PLAG1: variants seen among roughly 807,000 people sequenced by gnomAD.
PLAG1 encodes PLAG1 zinc finger.
A neutral mutation model predicts 35.5 loss-of-function variants in PLAG1; 7 were observed. The ratio of observed to expected loss-of-function variants is 0.20; its 90% CI spans 0.11 to 0.37. PLAG1 has a LOEUF of 0.37. Ranked by LOEUF, PLAG1 falls within the 10% of genes least tolerant of loss-of-function variation. The pLI, the probability that PLAG1 is intolerant of heterozygous loss-of-function variation, is 1.00. For missense variants in PLAG1, 454 were observed against 602.8 expected (o/e 0.75, Z 2.58); for synonymous variants, 229 against 225.4 (o/e 1.02, Z -0.14).
chr8:56,195,917 G>A (rs1812348590), intron 1 of PLAG1, among the ~76,000 whole-genome samples: 1 of 152,200 alleles, frequency 6.6e-6, no homozygotes, highest in Non-Finnish European at 1.5e-5. Flanking sequence ...AGTGCCTGCT[G>A]TGTGCAGGTG....
intron 1 of PLAG1, among the ~76,000 whole-genome samples, chr8:56,187,494 T>C (rs1335131988): frequency 6.6e-6 from 1 of 152,158 alleles, no homozygotes; most frequent in Non-Finnish European, 1.5e-5. Flanking sequence ...TTTTCCTCTG[T>C]AGGATGGGAA....
intron 1 of PLAG1, among the ~76,000 whole-genome samples, chr8:56,210,387 A>G (rs1812839365): frequency 1.3e-5 from 2 of 151,546 alleles, no homozygotes; most frequent in Non-Finnish European, 2.9e-5. Context: ...TCCTGCTTTC[A>G]TTTAGCACCC....
chr8:56,206,613 C>T (rs1308886308), intron 1 of PLAG1, among the ~76,000 whole-genome samples: 2 of 151,974 alleles, frequency 1.3e-5, no homozygotes, highest in Non-Finnish European at 2.9e-5. Flanking sequence ...TACAGCTAAT[C>T]AATCTGATTT....
intron 1 of PLAG1, among the ~76,000 whole-genome samples, chr8:56,193,704 T>TG (rs951868097): frequency 3.8e-4 from 58 of 150,794 alleles, no homozygotes; most frequent in African/African-American, 1.3e-3. Flanking sequence ...ACTTTTTTTT[T>TG]TTTTTTTTTT....
intron 1 of PLAG1, among the ~76,000 whole-genome samples, chr8:56,206,293 A>G (rs1327894499): frequency 6.6e-6 from 1 of 152,024 alleles, no homozygotes; most frequent in Non-Finnish European, 1.5e-5. Context: ...TGTCCCTGTA[A>G]TAATTTCTAC....
At position 56,169,012 on chromosome 8, in the gene PLAG1, C is replaced by A. The variant is rs188922515; in HGVS notation, c.-117-626G>T. The stretch of plus-strand genomic sequence containing the variant: ...TCCTGAGTCAAGAGTAGAAATGATT[C>A]ATCTTCCTAACAAATACAAATTCTT... On this transcript the variant is annotated intron_variant, in intron 3 of 4. Coordinates refer to ENST00000316981, the MANE Select transcript of PLAG1 (RefSeq NM_002655.3). Among the ~76,000 whole-genome samples the A allele has an allele frequency of 2.5e-3, 382 of 152,302 alleles. 3 individuals are homozygous for A. The highest frequency in any genetic ancestry group is 9.0e-3 in the African/African-American group (372 of 41,554).
intron 2 of PLAG1, among the ~76,000 whole-genome samples, chr8:56,176,046 C>CTTTTTTTTTT (rs1309523141): frequency 7.7e-6 from 1 of 130,104 alleles, no homozygotes; most frequent in African/African-American, 2.9e-5. Flanking sequence ...TTTTCCTTTT[C>CTTTTTTTTTT]TTTTTTTTTT....
chr8:56,174,490 A>C (rs889749798), intron 2 of PLAG1, among the ~76,000 whole-genome samples: 3 of 152,232 alleles, frequency 2.0e-5, no homozygotes, highest in Non-Finnish European at 4.4e-5. Flanking sequence ...AAACTATCTT[A>C]TAAAAACCTA....
intron 1 of PLAG1, among the ~76,000 whole-genome samples, chr8:56,201,887 G>A (rs1585826085): frequency 6.6e-6 from 1 of 151,628 alleles, no homozygotes; most frequent in East Asian, 1.9e-4. Context: ...TGTTGCTAAC[G>A]ATTCAGGGAA....
chr8:56,177,379 A>G (rs1044918623), intron 2 of PLAG1, among the ~76,000 whole-genome samples: 1 of 152,120 alleles, frequency 6.6e-6, no homozygotes, highest in Non-Finnish European at 1.5e-5. Flanking sequence ...AGGCAAAACC[A>G]TCATGTCAAG....
At chr8:56,200,075 CT>C (rs1369813199) in intron 1 of PLAG1, among the ~76,000 whole-genome samples, 1 of 152,152 alleles carries the variant, frequency 6.6e-6, no homozygotes, top group Non-Finnish European at 1.5e-5. Flanking sequence ...CTGCTCACCC[CT>C]GACACCCTGA....
chr8:56,163,080 A>G lies in PLAG1; in HGVS notation c.*3163T>C. On this transcript the variant is annotated 3_prime_UTR_variant, in exon 5 of 5. Coordinates refer to ENST00000316981, the MANE Select transcript of PLAG1 (RefSeq NM_002655.3). ...ATGGATAGCATTGCTTACAGTGCCA[A>G]GATCCTTCCACACTCACACTTCCGT... 4.7e-6 allele frequency: 1 copy of G among 212,200 alleles called. No homozygotes were observed. The highest frequency in any genetic ancestry group is 9.6e-6 in the Non-Finnish European group (1 of 104,164). 13.1% of individuals were successfully genotyped at this position (212,200 alleles called of 1,614,324 possible).
chr8:56,174,396 T>A (rs977070794), intron 2 of PLAG1, among the ~76,000 whole-genome samples: 8 of 152,212 alleles, frequency 5.3e-5, no homozygotes, highest in African/African-American at 1.7e-4. Context: ...ATAACTTCGG[T>A]GTTTCTGCAT....
chr8:56,196,526 T>G (rs1812371124), intron 1 of PLAG1, among the ~76,000 whole-genome samples: 1 of 152,052 alleles, frequency 6.6e-6, no homozygotes, highest in South Asian at 2.1e-4. Flanking sequence ...AAGCGCTGAC[T>G]GCCATTCAGA....
At position 56,194,375 on chromosome 8, in the gene PLAG1, T is replaced by C. The variant is rs117056190; in HGVS notation, c.-321-14862A>G. Among the ~76,000 whole-genome samples the C allele has an allele frequency of 5.4e-4, 82 of 151,696 alleles. 1 individual carries two copies. In the East Asian group the frequency reaches 0.013, roughly 23 times the overall value. ...TTGCAGTTAGGCTATCAAGTAACTA[T>C]TCAGCATATGATGACTAGTTATTTT... On this transcript the variant is annotated intron_variant, in intron 1 of 4. Coordinates refer to ENST00000316981, the MANE Select transcript of PLAG1 (RefSeq NM_002655.3).
At chr8:56,196,564 G>A (rs1045639938) in intron 1 of PLAG1, among the ~76,000 whole-genome samples, 9 of 152,062 alleles carry the variant, frequency 5.9e-5, no homozygotes, top group African/African-American at 1.9e-4. Context: ...ACCCAGTGGG[G>A]TGTGAGGACA....
At chr8:56,178,565 C>T (rs553824438) in intron 2 of PLAG1, among the ~76,000 whole-genome samples, 246 of 152,262 alleles carry the variant, frequency 1.6e-3, no homozygotes, top group Non-Finnish European at 2.4e-3. Context: ...CCGATTAATT[C>T]GTGTACCTTT....
intron 1 of PLAG1, among the ~76,000 whole-genome samples, chr8:56,203,449 A>C (rs1585828428): frequency 6.6e-6 from 1 of 152,140 alleles, no homozygotes. Flanking sequence ...TGCTGAAAAA[A>C]TGTCTTACAC....
Position 56,166,016 on chromosome 8 carries a change from C to T in PLAG1, c.*227G>A, listed in dbSNP as rs573999721. On this transcript the variant is annotated 3_prime_UTR_variant, in exon 5 of 5. Coordinates refer to ENST00000316981, the MANE Select transcript of PLAG1 (RefSeq NM_002655.3). Reference sequence around the variant, plus strand: ...GAAAAAAAAAAGTCTTAAAATGTGACAATTGGCAGTGAATCAGGACAAAAT... The same window carrying T: ...GAAAAAAAAAAGTCTTAAAATGTGATAATTGGCAGTGAATCAGGACAAAAT... 2.3e-5 allele frequency: 7 copies of T among 304,778 alleles called. No homozygotes were observed. Among genetic ancestry groups the T allele is most frequent in the Admixed American group, 9.6e-5 (2 of 20,936 alleles). The allele number at this position is 304,778 out of a possible 1,614,324, so 18.9% of individuals were successfully genotyped here.
Sources: gnomAD v4.1 joint callset for allele counts (sites outside exome capture counted in the v4.1 genomes callset) on GRCh38, gnomAD v4.1.1 for gene constraint, MANE v1.5 for transcripts, NCBI Gene and HGNC (gene_info 2026-07-23, HGNC 2026-07-21) for gene names.